The following AGAP1 variants were observed in gnomAD, a reference collection of about 807,000 sequenced individuals.
AGAP1 encodes the protein ArfGAP with GTPase domain, ankyrin repeat and PH domain 1.
In AGAP1, 29 loss-of-function variants were observed where a neutral mutation model predicts 105.3. The ratio of observed to expected loss-of-function variants is 0.28; its 90% CI spans 0.21 to 0.38. The LOEUF (loss-of-function observed/expected upper bound fraction) is 0.38. AGAP1 is among the 10% of genes least tolerant of loss of function. The pLI is 1.00. For synonymous variants in AGAP1, 509 were observed against 485.9 expected (o/e 1.05, Z -0.63); for missense variants, 998 against 1,165.1 (o/e 0.86, Z 2.09).
In AGAP1 at chr2:235,908,866, A is replaced by G. The variant is rs2125042113; in HGVS notation, c.1284A>G (p.Leu428=). ...TCTCCAGCCCTAAAACCAATGGCCT[A>G]TCCAAGGACATGAGCAGTTTACACA... ...APISSPKTNG[L]SKDMSSLHIS... The change falls in exon 11 of 18, where the codon CTA becomes CTG. Residue 428 remains leucine, a synonymous_variant. Transcript: ENST00000304032. The surrounding 1 kb of genome is among the most constrained non-coding windows in gnomAD (Gnocchi z 4.4). 1.2e-6 allele frequency: 2 copies of G among 1,614,090 alleles called. No individual in the cohort carries two copies. Among genetic ancestry groups the G allele is most frequent in the African/African-American group, 1.3e-5 (1 of 75,026 alleles).
In AGAP1 at chr2:236,109,874, G is replaced by A. The variant is rs780789871; in HGVS notation, c.2115-10318G>A. 1.3e-5 allele frequency among the ~76,000 whole-genome samples: 2 copies of A among 152,248 alleles called. No individual in the cohort carries two copies. Among genetic ancestry groups the A allele is most frequent in the African/African-American group, 2.4e-5 (1 of 41,462 alleles). On this transcript the variant is annotated intron_variant, in intron 16 of 17. Coordinates refer to ENST00000304032, the MANE Select transcript of AGAP1 (RefSeq NM_001037131.3). The surrounding 1 kb of genome is among the most constrained non-coding windows in gnomAD (Gnocchi z 5.4). ...CACACCTCTAGATTCTTCCTCTGAA[G>A]CAAACCCTACCTAACCCTTCGTCAG...
intron 13 of AGAP1, among the ~76,000 whole-genome samples, chr2:235,986,850 G>T (rs544486247): frequency 6.6e-6 from 1 of 152,278 alleles, no homozygotes; most frequent in African/African-American, 2.4e-5. Flanking sequence ...TAAGTGTTTT[G>T]ATGTGCTGCT....
intron 16 of AGAP1, among the ~76,000 whole-genome samples, chr2:236,054,637 C>G (rs1225399496): frequency 6.6e-6 from 1 of 152,178 alleles, no homozygotes; most frequent in Non-Finnish European, 1.5e-5. Flanking sequence ...AAATGCTACT[C>G]AGAACACGCA....
rs571623303 is a variant in AGAP1 at position 235,609,745 on chromosome 2, C to T, written c.164-99434C>T. On this transcript the variant is annotated intron_variant, in intron 1 of 17. Coordinates refer to ENST00000304032, the MANE Select transcript of AGAP1 (RefSeq NM_001037131.3). The surrounding 1 kb of genome is among the most constrained non-coding windows in gnomAD (Gnocchi z 5.1). ...CTGTTTGCTGTTGTATGCTGTGGCTCAGAAGTTATGTGGCCACTTTCACTC... is the reference window on the plus strand; with the variant it reads ...CTGTTTGCTGTTGTATGCTGTGGCTTAGAAGTTATGTGGCCACTTTCACTC... 6.6e-6 allele frequency among the ~76,000 whole-genome samples: 1 copy of T among 152,136 alleles called. No homozygotes were observed. The highest frequency in any genetic ancestry group is 1.9e-4 in the East Asian group (1 of 5,144).
Position 236,076,650 on chromosome 2 carries a change from T to C in AGAP1, c.2114+27369T>C, listed in dbSNP as rs1325056444. Among the ~76,000 whole-genome samples the C allele has an allele frequency of 6.6e-6, 1 of 152,076 alleles. No individual in the cohort carries two copies. Among genetic ancestry groups the C allele is most frequent in the African/African-American group, 2.4e-5 (1 of 41,400 alleles). ...AAATGAGTTGTGTTTGAGAACTGGA[T>C]TAAACAAAATTACAGAGGCTTCTTT... On this transcript the variant is annotated intron_variant, in intron 16 of 17. Coordinates refer to ENST00000304032, the MANE Select transcript of AGAP1 (RefSeq NM_001037131.3). The surrounding 1 kb of genome is among the most constrained non-coding windows in gnomAD (Gnocchi z 4.4).
Position 236,078,392 on chromosome 2 carries a change from A to G in AGAP1, c.2114+29111A>G, listed in dbSNP as rs2058699044. Among the ~76,000 whole-genome samples, 1 of 152,110 alleles carries G rather than the reference A, an allele frequency of 6.6e-6. No individual in the cohort carries two copies. The highest frequency in any genetic ancestry group is 2.4e-5 in the African/African-American group (1 of 41,412). ...CCATGGACTATAAGTGACATCTACA[A>G]AAGGCCTTCACAGCAATGCATAGGT... On this transcript the variant is annotated intron_variant, in intron 16 of 17. Coordinates refer to ENST00000304032, the MANE Select transcript of AGAP1 (RefSeq NM_001037131.3). The surrounding 1 kb of genome is among the most constrained non-coding windows in gnomAD (Gnocchi z 5.3).
intron 1 of AGAP1, among the ~76,000 whole-genome samples, chr2:235,607,127 C>T (rs908744199): frequency 1.3e-5 from 2 of 152,072 alleles, no homozygotes; most frequent in East Asian, 1.9e-4. Flanking sequence ...GGACGTTTCC[C>T]GGATTCGTTA....
rs2052896552 is a variant in AGAP1, at chr2:235,934,600, C to G, written c.1483+3677C>G. On this transcript the variant is annotated intron_variant, in intron 12 of 17. Transcript: ENST00000304032. This position sits in a 1 kb window ranked among gnomAD's most constrained non-coding sequence, Gnocchi z 4.9. Reference sequence around the variant, plus strand: ...CCCTGCAGGGCTTAGAAAATAATCACAGAAGAAACAAACATGATTAAGAGC... The same window carrying G: ...CCCTGCAGGGCTTAGAAAATAATCAGAGAAGAAACAAACATGATTAAGAGC... Among the ~76,000 whole-genome samples the G allele has an allele frequency of 6.6e-6, 1 of 152,212 alleles. No individual in the cohort carries two copies. The highest frequency in any genetic ancestry group is 1.5e-5 in the Non-Finnish European group (1 of 68,036).
chr2:235,766,151 A>T (rs1419290875), intron 6 of AGAP1, among the ~76,000 whole-genome samples: 2 of 152,272 alleles, frequency 1.3e-5, no homozygotes, highest in Non-Finnish European at 2.9e-5. Context: ...CCTTTAAGTT[A>T]TAATTGTTTT....
At chr2:235,806,394 T>C (rs1957835285) in intron 8 of AGAP1, among the ~76,000 whole-genome samples, 1 of 152,220 alleles carries the variant, frequency 6.6e-6, no homozygotes. Flanking sequence ...CAGAAAATCA[T>C]TGTGCTCACA....
At chr2:235,571,972 G>T (rs1260415482) in intron 1 of AGAP1, among the ~76,000 whole-genome samples, 5 of 46,792 alleles carry the variant, frequency 1.1e-4, no homozygotes, top group African/African-American at 1.4e-4. Context: ...ACATATATAT[G>T]TATACACACA....
At position 236,005,568 on chromosome 2, in the gene AGAP1, T is replaced by C. The variant is rs570483202; in HGVS notation, c.1646-30993T>C. Among the ~76,000 whole-genome samples, 1 of 152,364 alleles carries C rather than the reference T, an allele frequency of 6.6e-6. No homozygotes were observed. Among genetic ancestry groups the C allele is most frequent in the African/African-American group, 2.4e-5 (1 of 41,580 alleles). ...TCTTTAGCTTTAACCTCATGCCGTG[T>C]CTCTGTTCCAGGATCCAAATCCTAT... On this transcript the variant is annotated intron_variant, in intron 13 of 17. Coordinates refer to ENST00000304032, the MANE Select transcript of AGAP1 (RefSeq NM_001037131.3). This position sits in a 1 kb window ranked among gnomAD's most constrained non-coding sequence, Gnocchi z 4.1.
intron 3 of AGAP1, among the ~76,000 whole-genome samples, chr2:235,726,874 A>C (rs1951674195): frequency 1.3e-5 from 2 of 152,148 alleles, no homozygotes; most frequent in South Asian, 2.1e-4. Flanking sequence ...GGATGGATTT[A>C]GTTTTAGAAA....
At position 236,102,000 on chromosome 2, in the gene AGAP1, G is replaced by A. The variant is rs1295146084; in HGVS notation, c.2115-18192G>A. ...ACTTCCCTTATAAAACTTCCTTTGA[G>A]GCTGGGCCCGGTGGCTCATGCCTAT... On this transcript the variant is annotated intron_variant, in intron 16 of 17. Coordinates refer to ENST00000304032, the MANE Select transcript of AGAP1 (RefSeq NM_001037131.3). This position sits in a 1 kb window ranked among gnomAD's most constrained non-coding sequence, Gnocchi z 4.9. Among the ~76,000 whole-genome samples, 3 of 152,210 alleles carry A rather than the reference G, an allele frequency of 2.0e-5. No homozygotes were observed. Among genetic ancestry groups the A allele is most frequent in the South Asian group, 2.1e-4 (1 of 4,836 alleles).
rs74916117 is a variant in AGAP1, at chr2:235,965,312, C to T, written c.1484-3150C>T. On this transcript the variant is annotated intron_variant, in intron 12 of 17. Transcript: ENST00000304032. This position sits in a 1 kb window ranked among gnomAD's most constrained non-coding sequence, Gnocchi z 5.8. Reference sequence around the variant, plus strand: ...TGCACATGGAGAATGCCCCTGTGGACGTAGGGAGGAGAGGCAGGAAAACAT... The same window carrying T: ...TGCACATGGAGAATGCCCCTGTGGATGTAGGGAGGAGAGGCAGGAAAACAT... Among the ~76,000 whole-genome samples the T allele has an allele frequency of 0.016, 2,487 of 152,082 alleles. 48 individuals are homozygous for T. Among genetic ancestry groups the T allele is most frequent in the African/African-American group, 0.047 (1,959 of 41,458 alleles).
Position 236,076,412 on chromosome 2 carries a change from T to C in AGAP1, c.2114+27131T>C, listed in dbSNP as rs560985912. On this transcript the variant is annotated intron_variant, in intron 16 of 17. Coordinates refer to ENST00000304032, the MANE Select transcript of AGAP1 (RefSeq NM_001037131.3). This position sits in a 1 kb window ranked among gnomAD's most constrained non-coding sequence, Gnocchi z 4.4. ...GTGAGTCGAGACCACACCATTGTAC[T>C]CCAGCCTGGGTGACAGAGTGAGACT... Among the ~76,000 whole-genome samples the C allele has an allele frequency of 6.6e-6, 1 of 152,020 alleles. No individual in the cohort carries two copies. The highest frequency in any genetic ancestry group is 1.5e-5 in the Non-Finnish European group (1 of 68,002).
At position 235,870,515 on chromosome 2, in the gene AGAP1, AC is replaced by A. The variant is rs201672432; in HGVS notation, c.1051-12829del. Among the ~76,000 whole-genome samples the A allele has an allele frequency of 9.8e-3, 1,492 of 152,178 alleles. 13 individuals carry two copies. The highest frequency in any genetic ancestry group is 0.015 in the Non-Finnish European group (1,017 of 68,010). On this transcript the variant is annotated intron_variant, in intron 9 of 17. Coordinates refer to ENST00000304032, the MANE Select transcript of AGAP1 (RefSeq NM_001037131.3). ...GTGGCACATGTGTGTAATCCCATCTACTTCGGAGGCTGAGGCAGGAGAATCA... is the reference window on the plus strand; with the variant it reads ...GTGGCACATGTGTGTAATCCCATCTATTCGGAGGCTGAGGCAGGAGAATCA...
In AGAP1 at chr2:235,988,223, A is replaced by G. The variant is rs1023551240; in HGVS notation, c.1645+19600A>G. Reference sequence around the variant, plus strand: ...ACGCCCAGCTAATTTTTGTGTTTTTAGTAGAGACAGGGCTTCACCCTGTTG... The same window carrying G: ...ACGCCCAGCTAATTTTTGTGTTTTTGGTAGAGACAGGGCTTCACCCTGTTG... On this transcript the variant is annotated intron_variant, in intron 13 of 17. Transcript: ENST00000304032. This position sits in a 1 kb window ranked among gnomAD's most constrained non-coding sequence, Gnocchi z 4.7. Among the ~76,000 whole-genome samples, 1 of 152,054 alleles carries G rather than the reference A, an allele frequency of 6.6e-6. No individual in the cohort carries two copies. Among genetic ancestry groups the G allele is most frequent in the Non-Finnish European group, 1.5e-5 (1 of 68,016 alleles).
intron 16 of AGAP1, among the ~76,000 whole-genome samples, chr2:236,052,971 T>G (rs967740763): frequency 3.3e-5 from 5 of 152,208 alleles, no homozygotes; most frequent in South Asian, 2.1e-4. Flanking sequence ...TGGACAGAAC[T>G]AACTAGGTTT....
Sources: gnomAD v4.1 joint callset for allele counts (sites outside exome capture counted in the v4.1 genomes callset) on GRCh38, gnomAD v4.1.1 for gene constraint, Gnocchi (gnomAD v3.1) non-coding constraint, MANE v1.5 for transcripts, NCBI Gene and HGNC (gene_info 2026-07-23, HGNC 2026-07-21) for gene names.